The following PLPPR1 variants were observed in gnomAD, a reference collection of about 807,000 sequenced individuals.
PLPPR1 encodes phospholipid phosphatase related 1.
In PLPPR1, 10 loss-of-function variants were observed where a neutral mutation model predicts 33.1. The ratio of observed to expected loss-of-function variants is 0.30; its 90% CI spans 0.19 to 0.51. PLPPR1 has a LOEUF of 0.51. PLPPR1 is among the 20% of genes least tolerant of loss of function. The pLI, the probability that PLPPR1 is intolerant of heterozygous loss-of-function variation, is 0.97. For synonymous variants in PLPPR1, 151 were observed against 151.0 expected (o/e 1.00, Z 0.00); for missense variants, 304 against 408.1 (o/e 0.74, Z 2.20).
At chr9:101,032,110 G>A (rs145753102) in intron 1 of PLPPR1, among the ~76,000 whole-genome samples, 297 of 152,308 alleles carry the variant, frequency 1.9e-3, no homozygotes, top group Non-Finnish European at 3.3e-3. Context: ...CTGTGTGGCT[G>A]TAGCGACAGA....
At chr9:101,289,683 A>G (rs1240346280) in intron 4 of PLPPR1, among the ~76,000 whole-genome samples, 2 of 152,144 alleles carry the variant, frequency 1.3e-5, no homozygotes, top group Non-Finnish European at 1.5e-5. Context: ...CTCTTTGCCC[A>G]CTGCCATCTA....
chr9:101,095,009 G>T (rs543148274), intron 1 of PLPPR1, among the ~76,000 whole-genome samples: 7 of 152,254 alleles, frequency 4.6e-5, no homozygotes, highest in African/African-American at 1.7e-4. Context: ...CTGTGTTGTC[G>T]ATGGCCTTGC....
At chr9:101,142,723 A>G (rs1216276703) in intron 1 of PLPPR1, among the ~76,000 whole-genome samples, 1 of 151,418 alleles carries the variant, frequency 6.6e-6, no homozygotes, top group Non-Finnish European at 1.5e-5. Context: ...TGTTTCTTTA[A>G]TTCCTTCATT....
chr9:101,297,690 G>C (rs1282694575), intron 4 of PLPPR1, among the ~76,000 whole-genome samples: 1 of 152,116 alleles, frequency 6.6e-6, no homozygotes, highest in Non-Finnish European at 1.5e-5. Flanking sequence ...GCAAAGGGAG[G>C]AAAGGAACTG....
intron 2 of PLPPR1, among the ~76,000 whole-genome samples, chr9:101,267,663 G>A (rs1828021176): frequency 6.6e-6 from 1 of 152,218 alleles, no homozygotes; most frequent in Non-Finnish European, 1.5e-5. Context: ...GGTAGCAATG[G>A]ATGTAGCTAA....
At chr9:101,189,771 TTC>T (rs1227356254) in intron 2 of PLPPR1, among the ~76,000 whole-genome samples, 4 of 152,120 alleles carry the variant, frequency 2.6e-5, no homozygotes, top group Middle Eastern at 3.2e-3. Context: ...TTTCCAGAAA[TTC>T]TGTGTGTTTT....
chr9:101,246,899 A>C (rs569859758), intron 2 of PLPPR1, among the ~76,000 whole-genome samples: 4 of 152,082 alleles, frequency 2.6e-5, no homozygotes, highest in Admixed American at 2.6e-4. Context: ...TCTTCTATGA[A>C]TCTTTCACAT....
At chr9:101,130,389 G>A (rs978912814) in intron 1 of PLPPR1, among the ~76,000 whole-genome samples, 1 of 152,104 alleles carries the variant, frequency 6.6e-6, no homozygotes, top group African/African-American at 2.4e-5. Flanking sequence ...CCCCAGGAAA[G>A]TTACTCAGCA....
intron 6 of PLPPR1, among the ~76,000 whole-genome samples, chr9:101,314,132 C>A (rs1376376676): frequency 1.3e-5 from 2 of 152,110 alleles, no homozygotes; most frequent in Non-Finnish European, 2.9e-5. Context: ...TGAAATGAAT[C>A]CCCTAACAAT....
intron 1 of PLPPR1, among the ~76,000 whole-genome samples, chr9:101,109,955 G>T (rs1481957681): frequency 6.6e-6 from 1 of 152,108 alleles, no homozygotes; most frequent in Non-Finnish European, 1.5e-5. Flanking sequence ...CTTTAGGAAA[G>T]GTGGGGATGC....
intron 7 of PLPPR1, among the ~76,000 whole-genome samples, chr9:101,319,707 A>G (rs1829119251): frequency 6.6e-6 from 1 of 152,246 alleles, no homozygotes; most frequent in Non-Finnish European, 1.5e-5. Flanking sequence ...GTAATGAAAT[A>G]GTGAAATAGA....
At chr9:101,070,094 T>C (rs1236949497) in intron 1 of PLPPR1, among the ~76,000 whole-genome samples, 1 of 152,136 alleles carries the variant, frequency 6.6e-6, no homozygotes, top group African/African-American at 2.4e-5. Context: ...AAATTACTTT[T>C]GTCCCTACCC....
At chr9:101,139,691 G>A (rs113263367) in intron 1 of PLPPR1, among the ~76,000 whole-genome samples, 2 of 152,108 alleles carry the variant, frequency 1.3e-5, no homozygotes, top group African/African-American at 4.8e-5. Context: ...AGGTAAGCAT[G>A]GAAATGTAAA....
At chr9:101,168,988 T>C (rs947425048) in intron 1 of PLPPR1, among the ~76,000 whole-genome samples, 2 of 152,180 alleles carry the variant, frequency 1.3e-5, no homozygotes, top group Non-Finnish European at 2.9e-5. Flanking sequence ...TAACTTCAGT[T>C]ACTTTTTTAT....
chr9:101,310,783 C>T lies in PLPPR1; in HGVS notation c.636+1322C>T, dbSNP rs555555321. Among the ~76,000 whole-genome samples, 7 of 152,276 alleles carry T rather than the reference C, an allele frequency of 4.6e-5. No homozygotes were observed. The South Asian group carries it at 1.5e-3, about 32-fold the overall frequency. ...CCTTTGTGTCCCATTTACAGGATCA[C>T]ATCGATAGGGTTATTTTGTCAACCA... On this transcript the variant is annotated intron_variant, in intron 5 of 7. Transcript: ENST00000374874.
At chr9:101,099,626 G>C (rs1830870925) in intron 1 of PLPPR1, among the ~76,000 whole-genome samples, 1 of 152,072 alleles carries the variant, frequency 6.6e-6, no homozygotes, top group South Asian at 2.1e-4. Context: ...CACTTACATA[G>C]TGCTTACATT....
At chr9:101,128,570 G>A (rs537728754) in intron 1 of PLPPR1, among the ~76,000 whole-genome samples, 7 of 152,244 alleles carry the variant, frequency 4.6e-5, no homozygotes, top group African/African-American at 1.4e-4. Context: ...GTACTCAGCC[G>A]AGTGCAGGTT....
chr9:101,263,977 C>T (rs1044910493), intron 2 of PLPPR1, among the ~76,000 whole-genome samples: 1 of 152,086 alleles, frequency 6.6e-6, no homozygotes, highest in East Asian at 1.9e-4. Flanking sequence ...GGACCTCCAT[C>T]CCCTCTCAGG....
intron 1 of PLPPR1, among the ~76,000 whole-genome samples, chr9:101,138,974 G>A (rs1008881690): frequency 7.9e-5 from 12 of 152,022 alleles, no homozygotes; most frequent in Non-Finnish European, 1.3e-4. Context: ...TCATATTAAG[G>A]GAAGAGGTCT....
Sources: allele counts gnomAD v4.1 joint callset (sites outside exome capture counted in the v4.1 genomes callset), GRCh38; gene constraint gnomAD v4.1.1; transcripts MANE v1.5; gene names NCBI Gene and HGNC (gene_info 2026-07-23, HGNC 2026-07-21).